DOCK2: variants seen among roughly 807,000 people sequenced by gnomAD.
The protein encoded by DOCK2 is dedicator of cytokinesis protein 2.
In DOCK2, 87 loss-of-function variants were observed where a neutral mutation model predicts 248.9. The observed-to-expected ratio is 0.35, with a 90% CI of 0.29 to 0.42. DOCK2 has a LOEUF of 0.42. DOCK2 is among the 10% of genes least tolerant of loss of function. The pLI, the probability that DOCK2 is intolerant of heterozygous loss-of-function variation, is 1.00. For missense variants in DOCK2, 1,747 were observed against 2,300.2 expected, an observed-to-expected ratio of 0.76 and a Z score of 4.92; for synonymous variants, 805 against 821.6, an observed-to-expected ratio of 0.98 and a Z score of 0.35.
intron 27 of DOCK2, among the ~76,000 whole-genome samples, chr5:169,872,215 A>G (rs1772022617): frequency 6.6e-6 from 1 of 152,082 alleles, no homozygotes; most frequent in Admixed American, 6.5e-5. Flanking sequence ...TGATTTACTG[A>G]CCTCCTGCAA....
chr5:169,908,713 C>CTTTTTTTT (rs34261104), intron 27 of DOCK2, among the ~76,000 whole-genome samples: 62 of 105,062 alleles, frequency 5.9e-4, no homozygotes, highest in Non-Finnish European at 8.0e-4. Flanking sequence ...TTTCTTTTTT[C>CTTTTTTTT]TTTTTTTTTT....
In DOCK2 at chr5:169,783,909, C is replaced by T. The variant is rs1015051930; in HGVS notation, c.2555-19149C>T. 2.0e-5 allele frequency among the ~76,000 whole-genome samples: 3 copies of T among 152,260 alleles called. No homozygotes were observed. In the South Asian group the frequency reaches 6.2e-4, roughly 32 times the overall value. Reference sequence around the variant, plus strand: ...TTTTTCCCCTCACAATCTACTGTCTCCTAGGAAGGCGGAGATAAACCTGAT... The same window carrying T: ...TTTTTCCCCTCACAATCTACTGTCTTCTAGGAAGGCGGAGATAAACCTGAT... On this transcript the variant is annotated intron_variant, in intron 25 of 51. Transcript: ENST00000520908.
chr5:170,047,827 T>C (rs1756769939), intron 40 of DOCK2, among the ~76,000 whole-genome samples: 1 of 152,160 alleles, frequency 6.6e-6, no homozygotes, highest in Admixed American at 6.5e-5. Flanking sequence ...TACACAGCAA[T>C]TACAGCTGCC....
intron 10 of DOCK2, among the ~76,000 whole-genome samples, chr5:169,698,153 A>C (rs2306563): frequency 2.6e-5 from 4 of 151,712 alleles, no homozygotes; most frequent in Admixed American, 6.6e-5. Context: ...TGGCCCTCTG[A>C]CCTCCCAGTC....
chr5:169,923,264 G>A (rs949537377), intron 27 of DOCK2, among the ~76,000 whole-genome samples: 1 of 152,058 alleles, frequency 6.6e-6, no homozygotes, highest in Admixed American at 6.5e-5. Context: ...GAGATGTCTG[G>A]GTGGTAAGCT....
At chr5:169,727,489 A>G (rs190032271) in intron 22 of DOCK2, among the ~76,000 whole-genome samples, 1 of 152,260 alleles carries the variant, frequency 6.6e-6, no homozygotes, top group East Asian at 1.9e-4. Flanking sequence ...GGCCTGATGC[A>G]TCTGGAGAGG....
intron 27 of DOCK2, among the ~76,000 whole-genome samples, chr5:169,844,781 C>T (rs549886615): frequency 1.1e-4 from 16 of 151,200 alleles, no homozygotes; most frequent in Admixed American, 8.6e-4. Flanking sequence ...TGTCACAGCT[C>T]CTCTCTTAGA....
intron 40 of DOCK2, among the ~76,000 whole-genome samples, chr5:170,049,395 G>A (rs941938801): frequency 3.3e-5 from 5 of 152,256 alleles, no homozygotes; most frequent in African/African-American, 1.2e-4. Context: ...TTACAGGCGT[G>A]AGCCACCAGG....
intron 27 of DOCK2, among the ~76,000 whole-genome samples, chr5:169,958,596 G>A (rs1776958792): frequency 7.0e-6 from 1 of 143,442 alleles, no homozygotes; most frequent in Admixed American, 7.0e-5. Context: ...TTTTTTTTTG[G>A]TATAAATTTA....
chr5:169,671,611 G>A (rs534403521), intron 5 of DOCK2, among the ~76,000 whole-genome samples: 2 of 152,238 alleles, frequency 1.3e-5, no homozygotes, highest in East Asian at 3.9e-4. Flanking sequence ...AAGAAGTTTT[G>A]ACTTTGGAAA....
At chr5:169,801,813 T>C (rs969989439) in intron 25 of DOCK2, among the ~76,000 whole-genome samples, 21 of 17,452 alleles carry the variant, frequency 1.2e-3, no homozygotes, top group African/African-American at 1.6e-3. Flanking sequence ...TTGGTTTTGC[T>C]TTTTTTTTTT....
intron 33 of DOCK2, among the ~76,000 whole-genome samples, chr5:170,025,857 T>C (rs1179674119): frequency 7.0e-6 from 1 of 142,122 alleles, no homozygotes. Flanking sequence ...CTTTCCTTCC[T>C]TCCTTCCATT....
At chr5:169,836,165 A>G (rs1356894501) in intron 26 of DOCK2, among the ~76,000 whole-genome samples, 2 of 152,224 alleles carry the variant, frequency 1.3e-5, no homozygotes, top group African/African-American at 4.8e-5. Flanking sequence ...TTTGTGTAAA[A>G]GTAGATTTCT....
rs541179165 is a variant in DOCK2 at position 169,912,617 on chromosome 5, G to GTATA, written c.2800-70450_2800-70449insATAT. ...TTTATGTGCCACTGTGTGTGGTGGA[G>GTATA]TGTATGTGTGTGTGTGTGTGTGTGA... is the stretch of plus-strand genomic sequence containing the variant. On this transcript the variant is annotated intron_variant, in intron 27 of 51. Coordinates refer to ENST00000520908, the MANE Select transcript of DOCK2 (RefSeq NM_004946.3). Among the ~76,000 whole-genome samples the GTATA allele has an allele frequency of 9.7e-3, 1,153 of 118,680 alleles. 6 individuals carry two copies. The highest frequency in any genetic ancestry group is 0.016 in the Middle Eastern group (4 of 246). The allele number at this position is 118,680 out of a possible 152,430, so 77.9% of individuals were successfully genotyped here.
chr5:169,661,840 G>A (rs1758465059), intron 2 of DOCK2, among the ~76,000 whole-genome samples: 1 of 152,136 alleles, frequency 6.6e-6, no homozygotes, highest in African/African-American at 2.4e-5. Flanking sequence ...GTATATTACA[G>A]TTTCTTTATC....
At chr5:169,710,823 C>T (rs989557260) in intron 15 of DOCK2, among the ~76,000 whole-genome samples, 3 of 152,288 alleles carry the variant, frequency 2.0e-5, no homozygotes, top group Non-Finnish European at 4.4e-5. Context: ...AGTTAATGTA[C>T]CAGGTCAGGT....
chr5:170,056,170 A>G (rs1757124543), intron 42 of DOCK2, among the ~76,000 whole-genome samples: 1 of 152,018 alleles, frequency 6.6e-6, no homozygotes, highest in Non-Finnish European at 1.5e-5. Context: ...TTGGGTCTTA[A>G]CCTCCCCTCA....
At chr5:170,073,860 TA>T (rs1392796776) in intron 46 of DOCK2, among the ~76,000 whole-genome samples, 1 of 152,178 alleles carries the variant, frequency 6.6e-6, no homozygotes, top group Non-Finnish European at 1.5e-5. Context: ...AGGAGTTTGT[TA>T]ATGTTGTATC....
chr5:169,952,576 T>C (rs748379218), intron 27 of DOCK2, among the ~76,000 whole-genome samples: 4 of 152,060 alleles, frequency 2.6e-5, no homozygotes, highest in Non-Finnish European at 5.9e-5. Context: ...CTTCAGCACA[T>C]GAGACTGTAC....
Sources: gnomAD v4.1 joint callset for allele counts (sites outside exome capture counted in the v4.1 genomes callset) on GRCh38, gnomAD v4.1.1 for gene constraint, MANE v1.5 for transcripts, NCBI Gene and HGNC (gene_info 2026-07-23, HGNC 2026-07-21) for gene names.